PAK1: variants seen among roughly 807,000 people sequenced by gnomAD.
PAK1 encodes serine/threonine-protein kinase PAK 1.
A neutral mutation model predicts 67.4 loss-of-function variants in PAK1; 29 were observed. The observed-to-expected ratio is 0.43, with a 90% CI of 0.32 to 0.59. The LOEUF is 0.59. Ranked by LOEUF, PAK1 falls within the 20% of genes least tolerant of loss-of-function variation. The pLI, the probability that PAK1 is intolerant of heterozygous loss-of-function variation, is 0.07. For synonymous variants in PAK1, 223 were observed against 237.4 expected (o/e 0.94, Z 0.56); for missense variants, 337 against 670.7 (o/e 0.50, Z 5.50).
the PAK1 span, among the ~76,000 whole-genome samples, chr11:77,487,231 G>C: frequency 6.6e-6 from 1 of 152,116 alleles, no homozygotes; most frequent in East Asian, 1.9e-4. Flanking sequence ...TTGAGGAAAA[G>C]AACCCACTAA....
intron 1 of PAK1, among the ~76,000 whole-genome samples, chr11:77,448,290 T>C (rs915009809): frequency 6.6e-6 from 1 of 152,250 alleles, no homozygotes; most frequent in African/African-American, 2.4e-5. Flanking sequence ...AGCAGTAAGT[T>C]ACTCAATGCG....
upstream of PAK1, among the ~76,000 whole-genome samples, chr11:77,478,760 C>A (rs900783628): frequency 2.0e-5 from 3 of 146,590 alleles, no homozygotes; most frequent in Admixed American, 6.8e-5. Flanking sequence ...AGCCTGGTGA[C>A]AGAGTGAGAG....
upstream of PAK1, among the ~76,000 whole-genome samples, chr11:77,477,616 A>G: frequency 6.7e-6 from 1 of 149,736 alleles, no homozygotes; most frequent in East Asian, 2.0e-4. Context: ...ATGTCAGCAC[A>G]CCCCTATAGT....
chr11:77,363,292 G>A (rs1947052387), intron 5 of PAK1, among the ~76,000 whole-genome samples: 1 of 152,124 alleles, frequency 6.6e-6, no homozygotes, highest in Admixed American at 6.5e-5. Flanking sequence ...AACCCAGAGA[G>A]GAGATGAGAT....
intron 8 of PAK1, 197 bp downstream of exon 8, chr11:77,353,339 C>G (rs1945544293): frequency 2.0e-6 from 1 of 508,136 alleles, no homozygotes; most frequent in Non-Finnish European, 3.5e-6. Context: ...ACATGGTCAG[C>G]TAATGGCATC....
intron 1 of PAK1, among the ~76,000 whole-genome samples, chr11:77,457,618 G>T (rs1957138598): frequency 6.6e-6 from 1 of 152,198 alleles, no homozygotes; most frequent in South Asian, 2.1e-4. Context: ...ACCTGAAGCT[G>T]TCTAGGTCAG....
chr11:77,338,755 C>T lies in PAK1; in HGVS notation c.1117-1332G>A, dbSNP rs183737981. 6.6e-4 allele frequency among the ~76,000 whole-genome samples: 101 copies of T among 152,248 alleles called. 1 individual carries two copies. Among genetic ancestry groups the T allele is most frequent in the African/African-American group, 2.3e-3 (95 of 41,566 alleles). On this transcript the variant is annotated intron_variant, in intron 11 of 14. Transcript: ENST00000356341. The stretch of plus-strand genomic sequence containing the variant: ...CTTGGCAATAAAAAGGAATGAGGTA[C>T]TGATACATGCTACAAAATGGATGAA...
chr11:77,525,075 T>C, the PAK1 span, among the ~76,000 whole-genome samples: 2 of 151,974 alleles, frequency 1.3e-5, no homozygotes, highest in African/African-American at 4.8e-5. Flanking sequence ...CCAGGCAATG[T>C]AGCTCACTCC....
chr11:77,324,263 C>A (rs1469905872), intron 14 of PAK1, among the ~76,000 whole-genome samples: 2 of 150,720 alleles, frequency 1.3e-5, no homozygotes, highest in African/African-American at 4.9e-5. Flanking sequence ...ACCTCCGCCT[C>A]CTGGGTTCAA....
upstream of PAK1, among the ~76,000 whole-genome samples, chr11:77,478,521 C>G (rs996305550): frequency 3.3e-5 from 5 of 152,080 alleles, no homozygotes; most frequent in African/African-American, 1.2e-4. Flanking sequence ...GCCTGTAATC[C>G]TAGCACTTTG....
At chr11:77,341,540 G>C (rs900763385) in intron 10 of PAK1, among the ~76,000 whole-genome samples, 1 of 152,110 alleles carries the variant, frequency 6.6e-6, no homozygotes, top group Non-Finnish European at 1.5e-5. Flanking sequence ...AGAAGTGATA[G>C]TTTCACTCAG....
chr11:77,450,359 A>G (rs112613254), intron 1 of PAK1, among the ~76,000 whole-genome samples: 4,859 of 152,182 alleles, frequency 0.032, 132 homozygotes, highest in African/African-American at 0.074. Flanking sequence ...AGCATTAAAA[A>G]CCCGAAAGAA....
intron 9 of PAK1, among the ~76,000 whole-genome samples, chr11:77,345,250 C>CAT (rs5792762): frequency 0.031 from 4,716 of 151,908 alleles, 127 homozygotes; most frequent in African/African-American, 0.076. Context: ...CCTTTACACA[C>CAT]AGAGTTGGTG....
chr11:77,345,105 A>G (rs778715148), intron 9 of PAK1, among the ~76,000 whole-genome samples: 2 of 152,172 alleles, frequency 1.3e-5, no homozygotes, highest in African/African-American at 2.4e-5. Flanking sequence ...TTAAAGCCCT[A>G]TAAGATCATA....
chr11:77,410,198 C>A (rs888489496), intron 1 of PAK1, among the ~76,000 whole-genome samples: 2 of 152,112 alleles, frequency 1.3e-5, no homozygotes, highest in African/African-American at 4.8e-5. Context: ...CCCAGTCACT[C>A]ATCTCACTAA....
chr11:77,515,708 A>G, the PAK1 span, among the ~76,000 whole-genome samples: 1 of 152,240 alleles, frequency 6.6e-6, no homozygotes, highest in African/African-American at 2.4e-5. Context: ...AATGACTGCC[A>G]TAAAAATAAA....
the PAK1 span, among the ~76,000 whole-genome samples, chr11:77,512,761 C>T: frequency 7.2e-5 from 11 of 152,128 alleles, no homozygotes; most frequent in Non-Finnish European, 1.5e-4. Context: ...CATCATCCTT[C>T]CAAGGTGTAT....
At chr11:77,432,097 T>C (rs911290162) in intron 1 of PAK1, among the ~76,000 whole-genome samples, 20 of 152,278 alleles carry the variant, frequency 1.3e-4, no homozygotes, top group Middle Eastern at 3.4e-3. Flanking sequence ...CAAGTAATTG[T>C]AGTATGACAT....
chr11:77,415,271 G>A (rs1346294877), intron 1 of PAK1, among the ~76,000 whole-genome samples: 1 of 152,344 alleles, frequency 6.6e-6, no homozygotes, highest in East Asian at 1.9e-4. Context: ...CTCGTTCATT[G>A]CTGGTGAGAA....
Sources: gnomAD v4.1 joint callset for allele counts (sites outside exome capture counted in the v4.1 genomes callset) on GRCh38, gnomAD v4.1.1 for gene constraint, MANE v1.5 for transcripts, NCBI Gene and HGNC (gene_info 2026-07-23, HGNC 2026-07-21) for gene names.